The following XKR9 variants were observed in gnomAD, a reference collection of about 807,000 sequenced individuals.
XKR9 encodes the protein XK-related protein 9.
Under a neutral mutation model 32.0 loss-of-function variants are expected in XKR9, and 32 were observed. That is an observed-to-expected ratio of 1.00 (90% CI 0.76 to 1.34). The LOEUF (loss-of-function observed/expected upper bound fraction) is 1.34, where lower values mean the gene tolerates loss of function less well. Ranked by LOEUF, XKR9 falls within the 40% of genes most tolerant of loss-of-function variation. The probability of loss-of-function intolerance (pLI) is 0.00; values close to 1 mark genes in which losing one functional copy is unlikely to be tolerated. For missense variants in XKR9, 546 were observed against 429.7 expected (o/e 1.27, Z -2.39); for synonymous variants, 168 against 143.4 (o/e 1.17, Z -1.22).
intron 3 of XKR9, among the ~76,000 whole-genome samples, chr8:70,685,846 G>A (rs75898248): frequency 1.5e-4 from 23 of 148,574 alleles, no homozygotes; most frequent in South Asian, 4.2e-4. Context: ...TAACTAACCT[G>A]CATATTGTGC....
At chr8:70,765,925 G>A (rs1807369147) in intron 2 of XKR9, among the ~76,000 whole-genome samples, 1 of 152,098 alleles carries the variant, frequency 6.6e-6, no homozygotes, top group Admixed American at 6.6e-5. Flanking sequence ...GTAGATGTGT[G>A]GTGTTATTTC....
chr8:70,804,160 A>G, the XKR9 span, among the ~76,000 whole-genome samples: 1 of 152,238 alleles, frequency 6.6e-6, no homozygotes, highest in Non-Finnish European at 1.5e-5. Flanking sequence ...CCCTCTGGCT[A>G]AGTTCACACA....
chr8:70,733,872 G>C lies in XKR9; in HGVS notation c.570G>C (p.Leu190Phe). 6.2e-7 allele frequency: 1 copy of C among 1,610,290 alleles called. No homozygotes were observed. The highest frequency in any genetic ancestry group is 1.1e-5 in the South Asian group (1 of 89,552). Residue 190 changes from leucine to phenylalanine, a missense_variant, in exon 5 of 5, where the codon TTG (leucine) becomes TTC (phenylalanine). Transcript: ENST00000408926. ...VDYQVALRKS[L>F]PDKKLLNGLC... ...ATCAAGTAGCTTTAAGAAAATCCTTGCCTGACAAAAAGCTTCTTAATGGAT... is the reference window on the plus strand; with the variant it reads ...ATCAAGTAGCTTTAAGAAAATCCTTCCCTGACAAAAAGCTTCTTAATGGAT...
At chr8:70,810,881 C>T in the XKR9 span, among the ~76,000 whole-genome samples, 9 of 152,102 alleles carry the variant, frequency 5.9e-5, no homozygotes, top group African/African-American at 9.7e-5. Flanking sequence ...GACAGATCAA[C>T]GAGACAGAAA....
the XKR9 span, among the ~76,000 whole-genome samples, chr8:70,855,232 A>T: frequency 6.6e-6 from 1 of 152,118 alleles, no homozygotes; most frequent in Admixed American, 6.6e-5. Context: ...AACCTCAAAA[A>T]AAAATTAGAC....
chr8:70,727,076 G>A (rs1024829170), intron 4 of XKR9, among the ~76,000 whole-genome samples: 3 of 152,080 alleles, frequency 2.0e-5, no homozygotes, highest in Non-Finnish European at 2.9e-5. Context: ...CAGGACCCTC[G>A]ATTCTTTTGG....
chr8:70,972,642 A>G, the XKR9 span, among the ~76,000 whole-genome samples: 1 of 152,142 alleles, frequency 6.6e-6, no homozygotes, highest in Non-Finnish European at 1.5e-5. Context: ...TGTCCCTTCT[A>G]TGCCAATTTT....
At chr8:70,846,116 C>T in the XKR9 span, among the ~76,000 whole-genome samples, 2 of 152,064 alleles carry the variant, frequency 1.3e-5, no homozygotes, top group Non-Finnish European at 2.9e-5. Context: ...GAGCAGAAAT[C>T]TTATAGGCCA....
chr8:71,006,188 A>G, the XKR9 span, among the ~76,000 whole-genome samples: 64,618 of 152,146 alleles, frequency 0.42, 14,776 homozygotes, highest in Non-Finnish European at 0.52. Flanking sequence ...GGACATTGAC[A>G]TTATGAGAGA....
At chr8:70,702,681 CT>C (rs1384242393) in intron 3 of XKR9, among the ~76,000 whole-genome samples, 2 of 152,136 alleles carry the variant, frequency 1.3e-5, no homozygotes, top group Non-Finnish European at 2.9e-5. Context: ...TGTTGATCCT[CT>C]TTATCTCTGG....
chr8:70,800,624 T>A, the XKR9 span, among the ~76,000 whole-genome samples: 4 of 152,252 alleles, frequency 2.6e-5, no homozygotes, highest in South Asian at 8.3e-4. Context: ...TAGGTGGGAT[T>A]ACAGCCAACT....
At position 70,687,395 on chromosome 8, in the gene XKR9, T is replaced by TTCTC. The variant is rs60787187; in HGVS notation, c.272+6078_272+6081dup. On this transcript the variant is annotated intron_variant, in intron 3 of 4. Transcript: ENST00000408926. ...TCTTTCTCTTTCTTTCTCTTTCTCT[T>TTCTC]TCTCTCTCTCTCTCTCCTTTCTAAA... Among the ~76,000 whole-genome samples, 303 of 147,938 alleles carry TTCTC rather than the reference T, an allele frequency of 2.0e-3. 2 individuals are homozygous for TTCTC. Among genetic ancestry groups the TTCTC allele is most frequent in the Non-Finnish European group, 3.3e-3 (223 of 67,182 alleles).
the XKR9 span, among the ~76,000 whole-genome samples, chr8:70,845,029 C>G: frequency 6.6e-6 from 1 of 152,166 alleles, no homozygotes; most frequent in Admixed American, 6.5e-5. Context: ...CTGACTGGGA[C>G]CCAAGGACAG....
chr8:70,811,909 G>C, the XKR9 span, among the ~76,000 whole-genome samples: 152 of 152,070 alleles, frequency 1.0e-3, no homozygotes, highest in Non-Finnish European at 9.0e-4. Flanking sequence ...CCAATCAATA[G>C]AAAAAGAGGG....
chr8:70,701,146 G>C (rs533184559), intron 3 of XKR9, among the ~76,000 whole-genome samples: 1 of 152,292 alleles, frequency 6.6e-6, no homozygotes, highest in African/African-American at 2.4e-5. Context: ...TCCCGAGTGA[G>C]GCAATGCCTC....
chr8:70,725,822 A>G (rs1024500438), intron 4 of XKR9, among the ~76,000 whole-genome samples: 1 of 152,058 alleles, frequency 6.6e-6, no homozygotes, highest in Non-Finnish European at 1.5e-5. Flanking sequence ...AGGAGAGTCA[A>G]TTGAACCCAG....
chr8:70,922,500 A>C, the XKR9 span, among the ~76,000 whole-genome samples: 1 of 152,266 alleles, frequency 6.6e-6, no homozygotes, highest in African/African-American at 2.4e-5. Flanking sequence ...GAGAATGAAG[A>C]TATTTTATCA....
At chr8:70,696,798 A>T (rs1203412589) in intron 3 of XKR9, among the ~76,000 whole-genome samples, 1 of 151,548 alleles carries the variant, frequency 6.6e-6, no homozygotes, top group Non-Finnish European at 1.5e-5. Context: ...CACGATATTG[A>T]TTCTTCCTAT....
intron 2 of XKR9, among the ~76,000 whole-genome samples, chr8:70,766,294 G>A (rs1391578520): frequency 1.3e-5 from 2 of 152,150 alleles, no homozygotes; most frequent in South Asian, 2.1e-4. Flanking sequence ...GCAGTGGTTT[G>A]TAGTTCTCCT....
Sources: allele counts gnomAD v4.1 joint callset (sites outside exome capture counted in the v4.1 genomes callset), GRCh38; gene constraint gnomAD v4.1.1; transcripts MANE v1.5; gene names NCBI Gene and HGNC (gene_info 2026-07-23, HGNC 2026-07-21).